The following KCNAB2 variants were observed in gnomAD, a reference collection of about 807,000 sequenced individuals.
KCNAB2 encodes voltage-gated potassium channel subunit beta-2.
A neutral mutation model predicts 63.6 loss-of-function variants in KCNAB2; 29 were observed. The ratio of observed to expected loss-of-function variants is 0.46; its 90% CI spans 0.34 to 0.62. The LOEUF is 0.62. KCNAB2 is among the 20% of genes least tolerant of loss of function. KCNAB2 has a pLI of 0.01. For synonymous variants in KCNAB2, 222 were observed against 224.2 expected (o/e 0.99, Z 0.09); for missense variants, 359 against 563.9 (o/e 0.64, Z 3.68).
intron 1 of KCNAB2, among the ~76,000 whole-genome samples, chr1:6,002,757 G>T (rs1172631301): frequency 1.3e-5 from 2 of 152,162 alleles, no homozygotes; most frequent in African/African-American, 4.8e-5. Context: ...GGACTGGGAG[G>T]TACTGGGAGG....
At position 6,076,711 on chromosome 1, in the gene KCNAB2, G is replaced by T. The variant is rs181995543; in HGVS notation, c.300+2941G>T. ...GCTCAGCTGTGGGGTAACCGTACTGGGGTAGGGACAGATTCCTTGTCCCCC... is the reference window on the plus strand; with the variant it reads ...GCTCAGCTGTGGGGTAACCGTACTGTGGTAGGGACAGATTCCTTGTCCCCC... On this transcript the variant is annotated intron_variant, in intron 4 of 15. Transcript: ENST00000378083. Among the ~76,000 whole-genome samples, 38 of 152,274 alleles carry T rather than the reference G, an allele frequency of 2.5e-4. 1 individual carries two copies. The East Asian group carries it at 7.0e-3, about 28-fold the overall frequency.
intron 8 of KCNAB2, among the ~76,000 whole-genome samples, chr1:6,089,531 G>A (rs889339145): frequency 5.9e-5 from 9 of 152,154 alleles, no homozygotes; most frequent in Non-Finnish European, 1.0e-4. Context: ...TTTCCTGTCC[G>A]TGTTCATTTT....
At chr1:6,000,230 T>G (rs554457190) in intron 1 of KCNAB2, among the ~76,000 whole-genome samples, 1 of 152,288 alleles carries the variant, frequency 6.6e-6, no homozygotes, top group East Asian at 1.9e-4. Context: ...GCAGGTATTT[T>G]TAGTCACCCA....
chr1:6,041,540 C>T (rs1660497864), upstream of KCNAB2: 1 of 475,432 alleles, frequency 2.1e-6, no homozygotes, highest in South Asian at 2.4e-5. Flanking sequence ...AACCAACCCT[C>T]ACTCGGAGGT....
At chr1:6,090,342 GAGATGGAGCCACAGC>G (rs756846616) in intron 8 of KCNAB2, 32 bp from the exon 9 acceptor site, 2 of 1,391,190 alleles carry the variant, frequency 1.4e-6, no homozygotes, top group Non-Finnish European at 2.0e-6. Context: ...GGTGCCTGTG[GAGATGGAGCCACAGC>G]AGTGACGCCC....
Position 6,087,797 on chromosome 1 carries a change from C to CA in KCNAB2, c.470+291dup, listed in dbSNP as rs922178975. Among the ~76,000 whole-genome samples the CA allele has an allele frequency of 6.6e-6, 1 of 152,228 alleles. No homozygotes were observed. Among genetic ancestry groups the CA allele is most frequent in the Non-Finnish European group, 1.5e-5 (1 of 68,046 alleles). ...AAGCTGTGGCCGAGTTTGCCTTTTA[C>CA]AAAAACCTCGCTTAACTTTCCTTTT... On this transcript the variant is annotated intron_variant, in intron 7 of 15. Transcript: ENST00000378083. This position sits in a 1 kb window ranked among gnomAD's most constrained non-coding sequence, Gnocchi z 6.4.
intron 4 of KCNAB2, among the ~76,000 whole-genome samples, chr1:6,075,414 G>C (rs1034360767): frequency 9.2e-5 from 14 of 152,246 alleles, no homozygotes; most frequent in Admixed American, 3.3e-4. Context: ...CACAGTGATG[G>C]ACATGTGTGA....
rs1663206417 is a variant in KCNAB2 at position 6,071,735 on chromosome 1, G to A, written c.219-1020G>A. The stretch of plus-strand genomic sequence containing the variant: ...GGGCTCTGCTGCGTAGGACTCCTGC[G>A]GCGAGGGCTCCCTCCTGCCGCGTGG... On this transcript the variant is annotated intron_variant, in intron 2 of 15. Transcript: ENST00000378083. The surrounding 1 kb of genome is among the most constrained non-coding windows in gnomAD (Gnocchi z 8.5). Among the ~76,000 whole-genome samples the A allele has an allele frequency of 6.6e-6, 1 of 151,546 alleles. No individual in the cohort carries two copies. The highest frequency in any genetic ancestry group is 6.6e-5 in the Admixed American group (1 of 15,228).
chr1:6,073,573 G>A lies in KCNAB2; in HGVS notation c.263-160G>A, dbSNP rs577001645. Among the ~76,000 whole-genome samples the A allele has an allele frequency of 8.5e-5, 13 of 152,300 alleles. No homozygotes were observed. The highest frequency in any genetic ancestry group is 1.8e-4 in the Non-Finnish European group (12 of 68,008). ...CCAGGAGAGCAGGACTTTCTCTGAA[G>A]GCCAGCTGTCCACACACACTAAGGA... On this transcript the variant is annotated intron_variant, in intron 3 of 15. Transcript: ENST00000378083. This position sits in a 1 kb window ranked among gnomAD's most constrained non-coding sequence, Gnocchi z 5.7.
upstream of KCNAB2, among the ~76,000 whole-genome samples, chr1:6,033,247 G>A (rs959743942): frequency 7.3e-5 from 11 of 150,588 alleles, no homozygotes; most frequent in South Asian, 2.1e-4. Context: ...GTGGGTGTGC[G>A]TGTATGTGTG....
rs2227911 is a variant in KCNAB2 at position 6,082,248 on chromosome 1, T to C, written c.354T>C (p.Asp118=). The C allele has an allele frequency of 0.097, 156,014 of 1,613,190 alleles. 8,396 individuals are homozygous for C. The highest frequency in any genetic ancestry group is 0.2 in the African/African-American group (14,603 of 74,848). Reference sequence around the variant, plus strand: ...ATGATAATGGCATCAACCTCTTCGATACAGCAGAAGTCTACGCAGCCGGCA... The same window carrying C: ...ATGATAATGGCATCAACCTCTTCGACACAGCAGAAGTCTACGCAGCCGGCA... The part of the protein sequence containing the change: ...LAYDNGINLF[D]TAEVYAAGKA... The change falls in exon 5 of 16, where the codon GAT becomes GAC. Residue 118 remains aspartate (D), a synonymous_variant. Coordinates refer to ENST00000378083, the MANE Select transcript of KCNAB2 (RefSeq NM_001199862.2).
intron 10 of KCNAB2, among the ~76,000 whole-genome samples, chr1:6,093,927 C>T (rs968013326): frequency 3.9e-5 from 6 of 152,298 alleles, no homozygotes; most frequent in African/African-American, 7.2e-5. Flanking sequence ...TGGAATAGCC[C>T]GAAGTAGGAG....
At position 6,073,369 on chromosome 1, in the gene KCNAB2, G is replaced by A. The variant is rs1205190236; in HGVS notation, c.263-364G>A. On this transcript the variant is annotated intron_variant, in intron 3 of 15. Transcript: ENST00000378083. This position sits in a 1 kb window ranked among gnomAD's most constrained non-coding sequence, Gnocchi z 5.7. The stretch of plus-strand genomic sequence containing the variant: ...TCTGTCCCAGCAGGAGCACGCAGAC[G>A]CGGCTGTCAGACCTGGTGTGTTTTC... Among the ~76,000 whole-genome samples, 8 of 152,032 alleles carry A rather than the reference G, an allele frequency of 5.3e-5. No individual in the cohort carries two copies. The highest frequency in any genetic ancestry group is 1.7e-4 in the African/African-American group (7 of 41,374).
At chr1:6,070,868 G>T (rs906215322) in intron 2 of KCNAB2, among the ~76,000 whole-genome samples, 1 of 152,084 alleles carries the variant, frequency 6.6e-6, no homozygotes, top group Non-Finnish European at 1.5e-5. Flanking sequence ...GCCGCCACCC[G>T]GTGCGCCCCT....
intron 1 of KCNAB2, among the ~76,000 whole-genome samples, chr1:6,013,582 A>G (rs1014970256): frequency 6.6e-6 from 1 of 151,986 alleles, no homozygotes; most frequent in African/African-American, 2.4e-5. Context: ...ACACCACTGC[A>G]CCCACAACTC....
Position 6,028,351 on chromosome 1 carries a change from G to A in KCNAB2, c.-52-12166G>A, listed in dbSNP as rs1304529290. On this transcript the variant is annotated intron_variant, in intron 1 of 16. Coordinates refer to the KCNAB2 transcript ENST00000341524. The surrounding 1 kb of genome is among the most constrained non-coding windows in gnomAD (Gnocchi z 4.0). The stretch of plus-strand genomic sequence containing the variant: ...TGGCTCCTCTAGGCTCTGGCACGCA[G>A]AACAAGCAGACCATGGTTTTGTGTT... 1.3e-5 allele frequency among the ~76,000 whole-genome samples: 2 copies of A among 152,220 alleles called. No homozygotes were observed. The highest frequency in any genetic ancestry group is 4.8e-5 in the African/African-American group (2 of 41,452).
At chr1:5,995,230 C>T (rs1656879713) in intron 1 of KCNAB2, among the ~76,000 whole-genome samples, 1 of 152,180 alleles carries the variant, frequency 6.6e-6, no homozygotes, top group East Asian at 1.9e-4. Flanking sequence ...CGCCAGTCCC[C>T]CTCCCACCAC....
In KCNAB2 at chr1:6,056,714, G is replaced by A. The variant is rs963599905; in HGVS notation, c.218+4960G>A. On this transcript the variant is annotated intron_variant, in intron 2 of 15. Transcript: ENST00000378083. The stretch of plus-strand genomic sequence containing the variant: ...CCCTCCCGCTCAGGAGGCTCTGGAC[G>A]CCGCCCCTTCCTTCTGTATCCCCAA... 7.2e-5 allele frequency among the ~76,000 whole-genome samples: 11 copies of A among 152,274 alleles called. 1 individual carries two copies. Among genetic ancestry groups the A allele is most frequent in the Non-Finnish European group, 1.3e-4 (9 of 67,994 alleles).
chr1:6,013,481 C>T (rs1440227086), intron 1 of KCNAB2, among the ~76,000 whole-genome samples: 1 of 152,146 alleles, frequency 6.6e-6, no homozygotes, highest in Non-Finnish European at 1.5e-5. Flanking sequence ...TGGGGAGGAG[C>T]CCTGTCAGAG....
Sources: allele counts gnomAD v4.1 joint callset (sites outside exome capture counted in the v4.1 genomes callset), GRCh38; gene constraint gnomAD v4.1.1; non-coding constraint Gnocchi (gnomAD v3.1); transcripts MANE v1.5; gene names NCBI Gene and HGNC (gene_info 2026-07-23, HGNC 2026-07-21).